FBXO34: variants seen among roughly 807,000 people sequenced by gnomAD.
FBXO34 encodes the protein F-box only protein 34.
FBXO34 carries 12 observed loss-of-function variants against 24.5 expected under a neutral mutation model. The ratio of observed to expected loss-of-function variants is 0.49; its 90% CI spans 0.31 to 0.79. FBXO34 has a LOEUF of 0.79. Ranked by LOEUF, FBXO34 falls within the 30% of genes least tolerant of loss-of-function variation. The probability of loss-of-function intolerance (pLI) is 0.04; values close to 1 mark genes in which losing one functional copy is unlikely to be tolerated. For missense variants in FBXO34, 823 were observed against 857.7 expected, an observed-to-expected ratio of 0.96 and a Z score of 0.51; for synonymous variants, 320 against 311.9, an observed-to-expected ratio of 1.03 and a Z score of -0.27.
chr14:55,361,457 C>T (rs1373587131), intron 3 of FBXO34, among the ~76,000 whole-genome samples: 1 of 152,158 alleles, frequency 6.6e-6, no homozygotes, highest in Admixed American at 6.5e-5. Flanking sequence ...TCTTAACAGG[C>T]CTAGGATTTT....
chr14:55,290,390 C>CAA (rs140347127), intron 1 of FBXO34, among the ~76,000 whole-genome samples: 3 of 135,448 alleles, frequency 2.2e-5, no homozygotes, highest in African/African-American at 9.0e-5. Context: ...AGACTTCTCT[C>CAA]AAAAAAAAAA....
At chr14:55,305,557 G>A (rs2139725496) in intron 1 of FBXO34, among the ~76,000 whole-genome samples, 1 of 151,688 alleles carries the variant, frequency 6.6e-6, no homozygotes, top group African/African-American at 2.4e-5. Context: ...TTAGCCAGGT[G>A]TGGTAGTGCG....
intron 1 of FBXO34, among the ~76,000 whole-genome samples, chr14:55,327,531 A>G (rs1883378837): frequency 6.6e-6 from 1 of 152,168 alleles, no homozygotes; most frequent in African/African-American, 2.4e-5. Context: ...GGATTTGCAT[A>G]TGTGGTTTGT....
downstream of FBXO34, among the ~76,000 whole-genome samples, chr14:55,363,429 A>G (rs1884620258): frequency 6.6e-6 from 1 of 151,954 alleles, no homozygotes; most frequent in African/African-American, 2.4e-5. Flanking sequence ...GCAGGTTTAC[A>G]TGATCTTTCC....
At chr14:55,299,147 G>T in intron 1 of FBXO34, 1 of 1,202,770 alleles carries the variant, frequency 8.3e-7, no homozygotes, top group South Asian at 1.2e-5. Flanking sequence ...ACAAGAATTT[G>T]CTGGAAGTCA....
the FBXO34 span, among the ~76,000 whole-genome samples, chr14:55,401,226 CTTG>C: frequency 0.014 from 2,098 of 151,562 alleles, 54 homozygotes; most frequent in African/African-American, 0.048. Context: ...ACTGATTTTT[CTTG>C]TTATTTCCCT....
chr14:55,324,678 A>G (rs1427264175), intron 1 of FBXO34, among the ~76,000 whole-genome samples: 1 of 151,968 alleles, frequency 6.6e-6, no homozygotes, highest in African/African-American at 2.4e-5. Flanking sequence ...ACTGTTTTTA[A>G]TATTTTGCCA....
chr14:55,291,055 G>A (rs1229571569), intron 1 of FBXO34, among the ~76,000 whole-genome samples: 1 of 152,000 alleles, frequency 6.6e-6, no homozygotes, highest in Non-Finnish European at 1.5e-5. Context: ...TTGAACTCCT[G>A]ACCTTAAGTG....
chr14:55,367,400 A>G (rs754595578), exon 3 of FBXO34: 3 of 152,238 alleles, frequency 2.0e-5, no homozygotes, highest in Non-Finnish European at 2.9e-5. Flanking sequence ...AAGCCCAGCA[A>G]TCAATCATGA....
In FBXO34 at chr14:55,300,173, A is replaced by G. The variant is rs538439169; in HGVS notation, c.-11+28636A>G. On this transcript the variant is annotated intron_variant, in intron 1 of 1. Transcript: ENST00000313833. ...TTAGTAATGGTTTAAATCAGGATCCATATAAAGTCTCTACCTTGCAGTTGG... is the reference window on the plus strand; with the variant it reads ...TTAGTAATGGTTTAAATCAGGATCCGTATAAAGTCTCTACCTTGCAGTTGG... 1.1e-3 allele frequency among the ~76,000 whole-genome samples: 170 copies of G among 152,298 alleles called. 1 individual carries two copies. Among genetic ancestry groups the G allele is most frequent in the South Asian group, 3.5e-3 (17 of 4,832 alleles).
the FBXO34 span, among the ~76,000 whole-genome samples, chr14:55,393,278 G>A: frequency 2.6e-5 from 4 of 151,982 alleles, no homozygotes; most frequent in African/African-American, 9.7e-5. Flanking sequence ...CCAGCTACTC[G>A]GGAGGCTGAG....
At chr14:55,301,436 CAAA>C (rs536199747) in intron 1 of FBXO34, among the ~76,000 whole-genome samples, 1 of 135,906 alleles carries the variant, frequency 7.4e-6, no homozygotes, top group Non-Finnish European at 1.6e-5. Context: ...GACTCTGTCT[CAAA>C]AAAAAAAAAC....
chr14:55,391,636 T>C, the FBXO34 span, among the ~76,000 whole-genome samples: 3 of 152,190 alleles, frequency 2.0e-5, 1 homozygote, highest in South Asian at 6.2e-4. Flanking sequence ...ATTTAAATCA[T>C]ACAAAATCAA....
the FBXO34 span, chr14:55,385,841 A>T: frequency 6.3e-7 from 1 of 1,578,466 alleles, no homozygotes. Context: ...CTGGAGTCAA[A>T]AGACTTGCTT....
the FBXO34 span, among the ~76,000 whole-genome samples, chr14:55,385,508 G>A: frequency 6.6e-5 from 10 of 152,228 alleles, no homozygotes; most frequent in African/African-American, 2.4e-4. Context: ...GGCCAGGTTG[G>A]TCTCAAACTC....
chr14:55,414,708 A>C, the FBXO34 span, among the ~76,000 whole-genome samples: 3 of 152,194 alleles, frequency 2.0e-5, no homozygotes, highest in Non-Finnish European at 2.9e-5. Context: ...GCTCAGTATG[A>C]AATGTGGAAT....
chr14:55,394,908 G>A, the FBXO34 span: 15 of 375,828 alleles, frequency 4.0e-5, no homozygotes, highest in Non-Finnish European at 7.7e-5. Context: ...CTGTCTTCTG[G>A]TTGTACCAAA....
At position 55,350,598 on chromosome 14, in the gene FBXO34, C is replaced by G; in HGVS notation, c.208C>G (p.Leu70Val). 2 of 1,612,534 alleles carry G rather than the reference C, an allele frequency of 1.2e-6. No individual in the cohort carries two copies. The highest frequency in any genetic ancestry group is 1.7e-6 in the Non-Finnish European group (2 of 1,179,522). The change falls in exon 2 of 2, where the codon CTG becomes GTG. Residue 70 changes from leucine (L) to valine (V), a missense_variant. Leu to Val is a conservative substitution (Grantham distance 32, BLOSUM62 1). Around this residue, in one of 2 missense-constraint regions of FBXO34, gnomAD observed 693 missense variants for 659.1 expected, o/e 1.05. Coordinates refer to ENST00000313833, the MANE Select transcript of FBXO34 (RefSeq NM_017943.4). ...ATTTGGGATCCTTTCTCCAAATGTT[C>G]TGTGCAGTATGAGTGGGAAGAGTCC... ...KPFGILSPNV[L>V]CSMSGKSPVE... is the part of the protein sequence containing the mutation.
chr14:55,391,471 T>TAAAAAAA, the FBXO34 span, among the ~76,000 whole-genome samples: 838 of 75,696 alleles, frequency 0.011, 16 homozygotes, highest in South Asian at 0.028. Flanking sequence ...TGAGACTCCA[T>TAAAAAAA]AAAAAAAAAA....
Sources: allele counts gnomAD v4.1 joint callset (sites outside exome capture counted in the v4.1 genomes callset), GRCh38; gene constraint gnomAD v4.1.1; regional missense constraint gnomAD v4.1.1; transcripts MANE v1.5; gene names NCBI Gene and HGNC (gene_info 2026-07-23, HGNC 2026-07-21).